PSMG2: variants seen among roughly 807,000 people sequenced by gnomAD.
The protein encoded by PSMG2 is proteasome assembly chaperone 2.
Under a neutral mutation model 31.5 loss-of-function variants are expected in PSMG2, and 21 were observed. The ratio of observed to expected loss-of-function variants is 0.67; its 90% CI spans 0.47 to 0.96. The LOEUF (loss-of-function observed/expected upper bound fraction) is 0.96. Ranked by LOEUF, PSMG2 falls within the 40% of genes least tolerant of loss-of-function variation. PSMG2 has a pLI of 0.00. For missense variants in PSMG2, 318 were observed against 321.2 expected (o/e 0.99, Z 0.08); for synonymous variants, 120 against 110.4 (o/e 1.09, Z -0.54).
At chr18:12,669,914 T>C (rs1302042676) in intron 1 of PSMG2, among the ~76,000 whole-genome samples, 2 of 94,610 alleles carry the variant, frequency 2.1e-5, no homozygotes, top group Non-Finnish European at 4.5e-5. Flanking sequence ...GGAGAATCAC[T>C]TGAACCCAGG....
intron 4 of PSMG2, among the ~76,000 whole-genome samples, chr18:12,719,629 T>C (rs2040411283): frequency 6.6e-6 from 1 of 151,938 alleles, no homozygotes; most frequent in Non-Finnish European, 1.5e-5. Flanking sequence ...CTCAGGTAAT[T>C]CGCCTGCTGG....
chr18:12,706,302 C>G (rs1024983347), intron 1 of PSMG2, among the ~76,000 whole-genome samples: 1 of 152,144 alleles, frequency 6.6e-6, no homozygotes, highest in African/African-American at 2.4e-5. Context: ...GCCTGGCCAA[C>G]ATGGTGAAAC....
chr18:12,683,284 G>A (rs926194543), intron 1 of PSMG2, among the ~76,000 whole-genome samples: 5 of 151,266 alleles, frequency 3.3e-5, no homozygotes, highest in East Asian at 2.0e-4. Context: ...GCTGGGAGGC[G>A]GAGGTTGCAG....
intron 1 of PSMG2, among the ~76,000 whole-genome samples, chr18:12,677,400 T>C (rs2039176953): frequency 7.3e-6 from 1 of 137,144 alleles, no homozygotes; most frequent in African/African-American, 2.8e-5. Context: ...ATCACGCCAC[T>C]GTGCCAAGAT....
At chr18:12,706,070 G>C (rs2040265517) in intron 1 of PSMG2, among the ~76,000 whole-genome samples, 1 of 152,218 alleles carries the variant, frequency 6.6e-6, no homozygotes, top group Non-Finnish European at 1.5e-5. Flanking sequence ...TAGTCTCAAA[G>C]GTGGAGGAGG....
At chr18:12,709,419 T>G (rs540991236) in intron 2 of PSMG2, among the ~76,000 whole-genome samples, 3 of 150,670 alleles carry the variant, frequency 2.0e-5, no homozygotes, top group East Asian at 4.0e-4. Flanking sequence ...CTCTGCCTCC[T>G]GGGTTCAAGA....
intron 1 of PSMG2, among the ~76,000 whole-genome samples, chr18:12,687,801 G>A (rs945618598): frequency 2.0e-5 from 3 of 151,780 alleles, no homozygotes; most frequent in African/African-American, 7.3e-5. Flanking sequence ...TAATTTTGGG[G>A]GGATGTAGAG....
At chr18:12,679,066 G>C (rs776704488) in intron 1 of PSMG2, 9 of 152,188 alleles carry the variant, frequency 5.9e-5, no homozygotes, top group Non-Finnish European at 1.0e-4. Flanking sequence ...GGGAGAAAGA[G>C]GACTCGGGAA....
intron 1 of PSMG2, chr18:12,697,480 A>ATG: frequency 3.0e-6 from 3 of 1,007,848 alleles, no homozygotes; most frequent in Non-Finnish European, 4.3e-6. Context: ...GAATACTTTT[A>ATG]TTAAACAGTA....
At chr18:12,718,718 C>A in intron 4 of PSMG2, 83 bp downstream of exon 4, 1 of 971,228 alleles carries the variant, frequency 1.0e-6, no homozygotes, top group Non-Finnish European at 1.5e-6. Context: ...ACTTTAAAAG[C>A]CACGTAGATC....
chr18:12,722,741 C>T (rs900421307), intron 5 of PSMG2, among the ~76,000 whole-genome samples: 2 of 152,200 alleles, frequency 1.3e-5, no homozygotes, highest in Non-Finnish European at 2.9e-5. Flanking sequence ...TAATAGTCAT[C>T]CTCTGCCTTT....
intron 1 of PSMG2, among the ~76,000 whole-genome samples, chr18:12,667,848 C>CT (rs36019439): frequency 0.01 from 1,214 of 116,676 alleles, 18 homozygotes; most frequent in African/African-American, 0.024. Flanking sequence ...CTTTCTGATC[C>CT]TTTTTTTTTT....
chr18:12,697,299 T>A, intron 1 of PSMG2: 1 of 1,614,052 alleles, frequency 6.2e-7, no homozygotes, highest in Non-Finnish European at 8.5e-7. Flanking sequence ...CCAGAAAATA[T>A]GATGCTACTA....
At chr18:12,678,372 G>A in intron 1 of PSMG2, 6 of 1,614,084 alleles carry the variant, frequency 3.7e-6, no homozygotes, top group East Asian at 2.2e-5. Flanking sequence ...CCAATTGTTC[G>A]ATATGGGTAC....
intron 2 of PSMG2, among the ~76,000 whole-genome samples, chr18:12,707,384 G>A (rs780776245): frequency 2.0e-5 from 3 of 152,100 alleles, no homozygotes; most frequent in African/African-American, 4.8e-5. Context: ...ATATGGAAAG[G>A]CGAAAAGTAG....
At chr18:12,658,804 G>GT in intron 1 of PSMG2, 2 of 316,192 alleles carry the variant, frequency 6.3e-6, no homozygotes, top group Non-Finnish European at 1.3e-5. Context: ...GATCTTTACG[G>GT]GTTTTCCTCA....
intron 3 of PSMG2, among the ~76,000 whole-genome samples, chr18:12,715,956 C>T (rs1176308249): frequency 6.6e-6 from 1 of 152,224 alleles, no homozygotes; most frequent in Non-Finnish European, 1.5e-5. Flanking sequence ...CAGAGGACCC[C>T]ATAATGCGTC....
chr18:12,698,430 A>G (rs1450622181), upstream of PSMG2, among the ~76,000 whole-genome samples: 1 of 151,996 alleles, frequency 6.6e-6, no homozygotes, highest in Non-Finnish European at 1.5e-5. Flanking sequence ...TGGCCTCCCA[A>G]AGTGCTGGGA....
At chr18:12,680,804 G>A (rs1271593028) in intron 1 of PSMG2, 2 of 1,610,624 alleles carry the variant, frequency 1.2e-6, no homozygotes, top group South Asian at 2.2e-5. Context: ...CTGCACAGAA[G>A]GTTAGCGTGA....
Sources: allele counts gnomAD v4.1 joint callset (sites outside exome capture counted in the v4.1 genomes callset), GRCh38; gene constraint gnomAD v4.1.1; transcripts MANE v1.5; gene names NCBI Gene and HGNC (gene_info 2026-07-23, HGNC 2026-07-21).